The following SYBU variants were observed in gnomAD, a reference collection of about 807,000 sequenced individuals.
SYBU encodes GOLSYN A protein.
Under a neutral mutation model 35.9 loss-of-function variants are expected in SYBU, and 21 were observed. The ratio of observed to expected loss-of-function variants is 0.58; its 90% CI spans 0.41 to 0.84. The LOEUF (loss-of-function observed/expected upper bound fraction) is 0.84, where lower values mean the gene tolerates loss of function less well. Among genes scored for constraint, SYBU ranks in the 40% least tolerant of loss-of-function variants. SYBU has a pLI of 0.00. For synonymous variants in SYBU, 319 were observed against 324.3 expected (o/e 0.98, Z 0.18); for missense variants, 768 against 848.2 (o/e 0.91, Z 1.17).
At chr8:109,638,594 C>G (rs1043853339) in intron 2 of SYBU, among the ~76,000 whole-genome samples, 2 of 152,070 alleles carry the variant, frequency 1.3e-5, no homozygotes, top group African/African-American at 4.8e-5. Flanking sequence ...TATTAACTTC[C>G]TATTAACTGT....
intron 2 of SYBU, 35 bp downstream of exon 2, chr8:109,642,693 T>TTCACGCC: frequency 6.7e-7 from 1 of 1,502,836 alleles, no homozygotes; most frequent in Non-Finnish European, 9.0e-7. Flanking sequence ...GTGCACACGC[T>TTCACGCC]TCACGCCTCT....
upstream of SYBU, among the ~76,000 whole-genome samples, chr8:109,684,978 T>C (rs1241161783): frequency 6.6e-6 from 1 of 152,188 alleles, no homozygotes; most frequent in African/African-American, 2.4e-5. Context: ...TCTAAAGAGC[T>C]AGAATTCACA....
chr8:109,623,439 C>A (rs1413733423), intron 2 of SYBU, among the ~76,000 whole-genome samples: 2 of 152,108 alleles, frequency 1.3e-5, no homozygotes, highest in Admixed American at 6.6e-5. Flanking sequence ...GATCCAGGAA[C>A]CTCAGAGGTT....
chr8:109,594,911 T>C (rs2129919032), intron 3 of SYBU, among the ~76,000 whole-genome samples: 1 of 152,342 alleles, frequency 6.6e-6, no homozygotes, highest in South Asian at 2.1e-4. Flanking sequence ...TTTAGTAGTT[T>C]CAGTTGCTAG....
chr8:109,635,164 G>A (rs1300736597), intron 2 of SYBU, among the ~76,000 whole-genome samples: 1 of 152,176 alleles, frequency 6.6e-6, no homozygotes, highest in Non-Finnish European at 1.5e-5. Flanking sequence ...CCACCAATTT[G>A]CTGCAATTGT....
At position 109,590,250 on chromosome 8, in the gene SYBU, G is replaced by C. The variant is rs527564503; in HGVS notation, c.428-4088C>G. ...AATGGACTCTTAACTGCTAAGGCTT[G>C]GGGGGCCCAGCCAAGGTATCCAAGA... On this transcript the variant is annotated intron_variant, in intron 3 of 6. Transcript: ENST00000276646. Among the ~76,000 whole-genome samples, 193 of 152,230 alleles carry C rather than the reference G, an allele frequency of 1.3e-3. 1 individual carries two copies. Among genetic ancestry groups the C allele is most frequent in the African/African-American group, 4.5e-3 (188 of 41,546 alleles).
upstream of SYBU, chr8:109,645,937 G>C (rs1815649359): frequency 6.5e-6 from 1 of 152,780 alleles, no homozygotes; most frequent in South Asian, 2.1e-4. Context: ...CTATCCAGCT[G>C]ATTGAACAGA....
intron 3 of SYBU, among the ~76,000 whole-genome samples, chr8:109,610,396 A>G (rs1458412013): frequency 6.6e-6 from 1 of 152,210 alleles, no homozygotes; most frequent in Non-Finnish European, 1.5e-5. Context: ...CAGGAGTCAA[A>G]CCTATGTTTA....
chr8:109,681,332 T>C (rs1343338974), upstream of SYBU, among the ~76,000 whole-genome samples: 1 of 152,128 alleles, frequency 6.6e-6, no homozygotes, highest in African/African-American at 2.4e-5. Context: ...TATAATGGGA[T>C]GAAAAATAAT....
Position 109,619,186 on chromosome 8 carries a change from C to T in SYBU, c.230-147G>A, listed in dbSNP as rs59238932. Reference sequence around the variant, plus strand: ...CCCAGGTTAACTGCTGTGGACTCTCCTCTCATGACGCTCCTTTCATTTTTC... The same window carrying T: ...CCCAGGTTAACTGCTGTGGACTCTCTTCTCATGACGCTCCTTTCATTTTTC... On this transcript the variant is annotated intron_variant, in intron 2 of 6. Transcript: ENST00000276646. The T allele has an allele frequency of 8.0e-3, 4,990 of 623,810 alleles. 188 individuals carry two copies. The African/African-American group carries it at 0.081, about 10-fold the overall frequency. 38.6% of individuals were successfully genotyped at this position (623,810 alleles called of 1,614,324 possible).
At chr8:109,598,065 G>T (rs1404146482) in intron 3 of SYBU, among the ~76,000 whole-genome samples, 3 of 152,168 alleles carry the variant, frequency 2.0e-5, no homozygotes, top group Non-Finnish European at 4.4e-5. Flanking sequence ...ATGGGTAGAG[G>T]TGAGACCCAG....
intron 3 of SYBU, among the ~76,000 whole-genome samples, chr8:109,590,929 A>G (rs186394823): frequency 6.6e-5 from 10 of 152,366 alleles, no homozygotes; most frequent in Non-Finnish European, 1.5e-4. Flanking sequence ...TCTGATAGGC[A>G]AAAGAGTCTG....
chr8:109,645,915 A>C (rs984155702), upstream of SYBU: 1 of 153,756 alleles, frequency 6.5e-6, no homozygotes, highest in Non-Finnish European at 1.4e-5. Flanking sequence ...TAGGTGAGGA[A>C]AACAAACAGC....
chr8:109,631,927 TCA>T (rs1240397894), intron 2 of SYBU, among the ~76,000 whole-genome samples: 1 of 151,904 alleles, frequency 6.6e-6, no homozygotes, highest in East Asian at 1.9e-4. Context: ...TTTTAAAGGC[TCA>T]GTTTTTTTTT....
intron 2 of SYBU, among the ~76,000 whole-genome samples, chr8:109,629,677 G>A (rs1813378355): frequency 6.6e-6 from 1 of 151,946 alleles, no homozygotes; most frequent in Non-Finnish European, 1.5e-5. Flanking sequence ...GGATGGCTGG[G>A]TCAAATGGTA....
chr8:109,604,787 G>A (rs1554615986), intron 3 of SYBU, among the ~76,000 whole-genome samples: 1 of 152,134 alleles, frequency 6.6e-6, no homozygotes, highest in Non-Finnish European at 1.5e-5. Flanking sequence ...TTCCTCTAAC[G>A]ATGAGGGAAA....
intron 4 of SYBU, among the ~76,000 whole-genome samples, chr8:109,585,227 C>T (rs1054018956): frequency 2.0e-5 from 3 of 152,214 alleles, no homozygotes; most frequent in African/African-American, 7.2e-5. Flanking sequence ...CTGGGGCTTA[C>T]AGTCCCTCCC....
In SYBU at chr8:109,584,061, A is replaced by G. The variant is rs903594328; in HGVS notation, c.530+1999T>C. ...TTGAACTCCTGAACTCAGTTGATCC[A>G]TCCGCCTTGGCCTCCTAAAAGTGCT... On this transcript the variant is annotated intron_variant, in intron 4 of 6. Coordinates refer to ENST00000276646, the MANE Select transcript of SYBU (RefSeq NM_001099754.2). The surrounding 1 kb of genome is among the most constrained non-coding windows in gnomAD (Gnocchi z 4.0). 1.3e-5 allele frequency among the ~76,000 whole-genome samples: 2 copies of G among 151,702 alleles called. No homozygotes were observed. Among genetic ancestry groups the G allele is most frequent in the African/African-American group, 4.8e-5 (2 of 41,256 alleles).
chr8:109,644,664 C>T lies in SYBU; in HGVS notation c.-5G>A, dbSNP rs1014278206. On this transcript the variant is annotated 5_prime_UTR_variant, in exon 1 of 7. Coordinates refer to ENST00000276646, the MANE Select transcript of SYBU (RefSeq NM_001099754.2). ...GCTCTCGCGGAGGGGCCCCATCGCG[C>T]CGCTGCCCGCCGGCTCCTCGCGCCG... The T allele has an allele frequency of 1.3e-5, 19 of 1,519,584 alleles. No homozygotes were observed. The highest frequency in any genetic ancestry group is 1.7e-5 in the Non-Finnish European group (19 of 1,140,806). 94.1% of individuals were successfully genotyped at this position (1,519,584 alleles called of 1,614,324 possible). A position where few individuals can be genotyped will look rare whatever the true frequency, so the allele number is the denominator to read the frequency against.
Sources: gnomAD v4.1 joint callset for allele counts (sites outside exome capture counted in the v4.1 genomes callset) on GRCh38, gnomAD v4.1.1 for gene constraint, Gnocchi (gnomAD v3.1) non-coding constraint, MANE v1.5 for transcripts, NCBI Gene and HGNC (gene_info 2026-07-23, HGNC 2026-07-21) for gene names.